Variants in TMPPE observed in about 807,000 individuals in gnomAD.
The protein encoded by TMPPE is transmembrane protein with metallophosphoesterase domain.
A neutral mutation model predicts 22.6 loss-of-function variants in TMPPE; 16 were observed. The observed-to-expected ratio is 0.71, with a 90% CI of 0.48 to 1.08. The LOEUF (loss-of-function observed/expected upper bound fraction) is 1.08. Ranked by LOEUF, TMPPE falls within the 50% of genes least tolerant of loss-of-function variation. The pLI is 0.00. For missense variants in TMPPE, 526 were observed against 584.3 expected (o/e 0.90, Z 1.03); for synonymous variants, 240 against 245.3 (o/e 0.98, Z 0.20).
Position 33,093,197 on chromosome 3 carries a change from C to T in TMPPE, c.999G>A (p.Gly333=). The T allele has an allele frequency of 6.2e-7, 1 of 1,613,978 alleles. No individual in the cohort carries two copies. The highest frequency in any genetic ancestry group is 8.5e-7 in the Non-Finnish European group (1 of 1,179,956). Residue 333 remains glycine (G), a synonymous_variant, in exon 2 of 2, where the codon GGG becomes GGA. Coordinates refer to ENST00000342462, the MANE Select transcript of TMPPE (RefSeq NM_001039770.3). The surrounding 1 kb of genome is among the most constrained non-coding windows in gnomAD (Gnocchi z 6.0). ...SEDEDWICLA[G]VDDIEADILH... ...GGATGTCTGCTTCAATATCGTCCAC[C>T]CCAGCCAAGCAGATCCAGTCCTCAT...
chr3:33,091,870 C>T lies in TMPPE; in HGVS notation c.*964G>A. ...CTTTTCTAACACGGGTGCTTATCTCCATCTCAGGATCAAAGGATCTATTGC... is the reference window on the plus strand; with the variant it reads ...CTTTTCTAACACGGGTGCTTATCTCTATCTCAGGATCAAAGGATCTATTGC... On this transcript the variant is annotated 3_prime_UTR_variant, in exon 2 of 2. Coordinates refer to ENST00000342462, the MANE Select transcript of TMPPE (RefSeq NM_001039770.3). 11 of 985,442 alleles carry T rather than the reference C, an allele frequency of 1.1e-5. No individual in the cohort carries two copies. Among genetic ancestry groups the T allele is most frequent in the Non-Finnish European group, 1.3e-5 (11 of 829,946 alleles). The allele number at this position is 985,442 out of a possible 1,614,324, so 61.0% of individuals were successfully genotyped here. A position where few individuals can be genotyped will look rare whatever the true frequency, so the allele number is the denominator to read the frequency against.
rs563544419 is a variant in TMPPE at position 33,096,172 on chromosome 3, G to C, written c.-109+547C>G. ...CCTGGAGGAACCAAAGTTGGTCCGC[G>C]GAACGTGCAGAGGAGCAGCTTGCAA... On this transcript the variant is annotated intron_variant, in intron 1 of 1. Coordinates refer to ENST00000342462, the MANE Select transcript of TMPPE (RefSeq NM_001039770.3). Among the ~76,000 whole-genome samples the C allele has an allele frequency of 3.3e-5, 5 of 152,232 alleles. No individual in the cohort carries two copies. The East Asian group carries it at 9.7e-4, about 29-fold the overall frequency.
At chr3:33,096,357 C>G (rs997629718) in intron 1 of TMPPE, 1 of 979,286 alleles carries the variant, frequency 1.0e-6, no homozygotes. Flanking sequence ...CTCGCCAGCC[C>G]TGCCCCGATC....
Position 33,092,424 on chromosome 3 carries a change from C to T in TMPPE, c.*410G>A, listed in dbSNP as rs777861521. 1.5e-4 allele frequency: 151 copies of T among 998,536 alleles called. No individual in the cohort carries two copies. Among genetic ancestry groups the T allele is most frequent in the Non-Finnish European group, 1.7e-4 (144 of 838,236 alleles). 61.9% of individuals were successfully genotyped at this position (998,536 alleles called of 1,614,324 possible). A position where few individuals can be genotyped will look rare whatever the true frequency, so the allele number is the denominator to read the frequency against. ...AATGATTCTGGAAACCACTTAAGTC[C>T]TAAAGACAATTTTAAAACACCAGGA... On this transcript the variant is annotated 3_prime_UTR_variant, in exon 2 of 2. Transcript: ENST00000342462.
chr3:33,092,679 C>A lies in TMPPE; in HGVS notation c.*155G>T. The A allele has an allele frequency of 1.1e-5, 15 of 1,415,866 alleles. No homozygotes were observed. The highest frequency in any genetic ancestry group is 1.4e-5 in the Non-Finnish European group (15 of 1,086,790). The allele number at this position is 1,415,866 out of a possible 1,614,324, so 87.7% of individuals were successfully genotyped here. A position where few individuals can be genotyped will look rare whatever the true frequency, so the allele number is the denominator to read the frequency against. ...CCAGCCTGAACATGCCAGGCAGGCC[C>A]ACCATAAGTCACTGTTTGAGTCAGG... On this transcript the variant is annotated 3_prime_UTR_variant, in exon 2 of 2. Coordinates refer to ENST00000342462, the MANE Select transcript of TMPPE (RefSeq NM_001039770.3).
At position 33,092,640 on chromosome 3, in the gene TMPPE, A is replaced by T. The variant is rs1700812986; in HGVS notation, c.*194T>A. The T allele has an allele frequency of 1.5e-6, 2 of 1,366,984 alleles. No individual in the cohort carries two copies. The highest frequency in any genetic ancestry group is 9.4e-7 in the Non-Finnish European group (1 of 1,061,250). 84.7% of individuals were successfully genotyped at this position (1,366,984 alleles called of 1,614,324 possible). On this transcript the variant is annotated 3_prime_UTR_variant, in exon 2 of 2. Coordinates refer to ENST00000342462, the MANE Select transcript of TMPPE (RefSeq NM_001039770.3). Reference sequence around the variant, plus strand: ...GTGCATCAAAAAAAGCAACTGGCCAAGGAAATAGTTAAACCAGCCTGAACA... The same window carrying T: ...GTGCATCAAAAAAAGCAACTGGCCATGGAAATAGTTAAACCAGCCTGAACA...
chr3:33,093,964 C>G lies in TMPPE; in HGVS notation c.232G>C (p.Glu78Gln), dbSNP rs758530845. ...VSNLCHSPAA[E>Q]STCFQLWKVV... Reference sequence around the variant, plus strand: ...TTCCAAAGCTGAAAACAGGTTGACTCTGCAGCTGGGGAGTGGCAGAGGTTG... The same window carrying G: ...TTCCAAAGCTGAAAACAGGTTGACTGTGCAGCTGGGGAGTGGCAGAGGTTG... The change falls in exon 2 of 2, where the codon GAG becomes CAG. Residue 78 changes from glutamate to glutamine, a missense_variant. Glu to Gln is a conservative substitution (Grantham distance 29). Transcript: ENST00000342462. This position sits in a 1 kb window ranked among gnomAD's most constrained non-coding sequence, Gnocchi z 6.0. The G allele has an allele frequency of 8.1e-6, 13 of 1,614,084 alleles. No individual in the cohort carries two copies. In the Admixed American group the frequency reaches 2.0e-4, roughly 25 times the overall value.
chr3:33,094,996 A>C (rs1700948816), intron 1 of TMPPE, among the ~76,000 whole-genome samples: 1 of 152,178 alleles, frequency 6.6e-6, no homozygotes, highest in Admixed American at 6.5e-5. Context: ...AGATTACCTG[A>C]GGTCAGGAGT....
rs1701053671 is a variant in TMPPE, at chr3:33,096,843, GA to G, written c.-234del. The G allele has an allele frequency of 3.6e-5, 49 of 1,377,164 alleles. No individual in the cohort carries two copies. Among genetic ancestry groups the G allele is most frequent in the Middle Eastern group, 2.7e-4 (1 of 3,674 alleles). The allele number at this position is 1,377,164 out of a possible 1,614,324, so 85.3% of individuals were successfully genotyped here. A position where few individuals can be genotyped will look rare whatever the true frequency, so the allele number is the denominator to read the frequency against. On this transcript the variant is annotated 5_prime_UTR_variant, in exon 1 of 2. Transcript: ENST00000342462. ...GCCCCGCCCGGCCCGCCCCCGACGG[GA>G]AGGCCGGTCCACTGCCTGCGTTCCG... is the stretch of plus-strand genomic sequence containing the variant.
At chr3:33,095,176 A>G (rs1048333563) in intron 1 of TMPPE, among the ~76,000 whole-genome samples, 9 of 132,476 alleles carry the variant, frequency 6.8e-5, no homozygotes, top group Admixed American at 6.3e-4. Flanking sequence ...GTGCCACTGC[A>G]CTCCAGCCTG....
chr3:33,097,073 G>C lies in TMPPE; in HGVS notation c.-463C>G. 1 of 1,612,586 alleles carries C rather than the reference G, an allele frequency of 6.2e-7. No homozygotes were observed. Among genetic ancestry groups the C allele is most frequent in the Non-Finnish European group, 8.5e-7 (1 of 1,179,086 alleles). ...AGCAACAGAGGGAGGATGCGAACCA[G>C]GAACCCCGGCATGACCACCAGCCTC... On this transcript the variant is annotated 5_prime_UTR_variant, in exon 1 of 2. Coordinates refer to ENST00000342462, the MANE Select transcript of TMPPE (RefSeq NM_001039770.3).
chr3:33,092,570 A>C lies in TMPPE; in HGVS notation c.*264T>G. Reference sequence around the variant, plus strand: ...AGGTCCCCATTCCACATCATCTGGAAAATAGAGGGGAGTGCTAATATATGT... The same window carrying C: ...AGGTCCCCATTCCACATCATCTGGACAATAGAGGGGAGTGCTAATATATGT... On this transcript the variant is annotated 3_prime_UTR_variant, in exon 2 of 2. Coordinates refer to ENST00000342462, the MANE Select transcript of TMPPE (RefSeq NM_001039770.3). 8.2e-7 allele frequency: 1 copy of C among 1,222,266 alleles called. No homozygotes were observed. Among genetic ancestry groups the C allele is most frequent in the South Asian group, 3.4e-5 (1 of 29,648 alleles). 75.7% of individuals were successfully genotyped at this position (1,222,266 alleles called of 1,614,324 possible).
At chr3:33,096,190 G>T in intron 1 of TMPPE, 1 of 171,170 alleles carries the variant, frequency 5.8e-6, no homozygotes, top group Non-Finnish European at 1.2e-5. Context: ...CAGAGGAGCA[G>T]CTTGCAACTA....
rs1011451925 is a variant in TMPPE, at chr3:33,091,934, G to A, written c.*900C>T. Reference sequence around the variant, plus strand: ...GCAAAAGCACCGCTTTTACTGGGAGGTACAAGACCTGGTTTCTAGCCCCAA... The same window carrying A: ...GCAAAAGCACCGCTTTTACTGGGAGATACAAGACCTGGTTTCTAGCCCCAA... On this transcript the variant is annotated 3_prime_UTR_variant, in exon 2 of 2. Transcript: ENST00000342462. 2.0e-6 allele frequency: 2 copies of A among 985,208 alleles called. No homozygotes were observed. The highest frequency in any genetic ancestry group is 1.1e-4 in the East Asian group (1 of 8,814). 61.0% of individuals were successfully genotyped at this position (985,208 alleles called of 1,614,324 possible).
rs976066325 is a variant in TMPPE at position 33,094,251 on chromosome 3, T to C, written c.-56A>G. The C allele has an allele frequency of 1.3e-6, 2 of 1,525,910 alleles. No homozygotes were observed. The highest frequency in any genetic ancestry group is 2.8e-5 in the African/African-American group (2 of 71,994). The allele number at this position is 1,525,910 out of a possible 1,614,324, so 94.5% of individuals were successfully genotyped here. A position where few individuals can be genotyped will look rare whatever the true frequency, so the allele number is the denominator to read the frequency against. Reference sequence around the variant, plus strand: ...GTTCTGTGCTGGTGGACTCTGGAAATGAGTTCCTTAGAAAGGACAGTGGCC... The same window carrying C: ...GTTCTGTGCTGGTGGACTCTGGAAACGAGTTCCTTAGAAAGGACAGTGGCC... On this transcript the variant is annotated 5_prime_UTR_variant, in exon 2 of 2. Transcript: ENST00000342462.
rs759335347 is a variant in TMPPE at position 33,090,761 on chromosome 3, T to C, written c.*2073A>G. On this transcript the variant is annotated 3_prime_UTR_variant, in exon 2 of 2. Coordinates refer to ENST00000342462, the MANE Select transcript of TMPPE (RefSeq NM_001039770.3). Reference sequence around the variant, plus strand: ...GCCGCGTCAGGGAATACAAACCACATACGAGAGGGTGTTGATGTTGTTTCT... The same window carrying C: ...GCCGCGTCAGGGAATACAAACCACACACGAGAGGGTGTTGATGTTGTTTCT... 1 of 985,358 alleles carries C rather than the reference T, an allele frequency of 1.0e-6. No individual in the cohort carries two copies. Among genetic ancestry groups the C allele is most frequent in the Non-Finnish European group, 1.2e-6 (1 of 829,926 alleles). The allele number at this position is 985,358 out of a possible 1,614,324, so 61.0% of individuals were successfully genotyped here.
At chr3:33,096,464 A>C in intron 1 of TMPPE, 1 of 984,302 alleles carries the variant, frequency 1.0e-6, no homozygotes. Context: ...AGAAAAACCC[A>C]AGCCAAAGGG....
At position 33,094,155 on chromosome 3, in the gene TMPPE, G is replaced by A. The variant is rs763373392; in HGVS notation, c.41C>T (p.Thr14Ile). Residue 14 changes from threonine to isoleucine, a missense_variant, in exon 2 of 2, where the codon ACC (threonine) becomes ATC (isoleucine). By Grantham distance (89) the Thr-to-Ile change is moderately conservative. Transcript: ENST00000342462. ...FRQLSLGAKATLAAVTVFVSM... is the reference protein window; with the variant it reads ...FRQLSLGAKAILAAVTVFVSM... ...CACGAAGACAGTGACAGCAGCCAGG[G>A]TGGCCTTCGCGCCTAGGGACAGCTG... The A allele has an allele frequency of 6.2e-7, 1 of 1,612,634 alleles. No homozygotes were observed. Among genetic ancestry groups the A allele is most frequent in the East Asian group, 2.2e-5 (1 of 44,832 alleles).
rs747330785 is a variant in TMPPE, at chr3:33,093,614, C to T, written c.582G>A (p.Glu194=). 2 of 1,614,166 alleles carry T rather than the reference C, an allele frequency of 1.2e-6. No individual in the cohort carries two copies. Among genetic ancestry groups the T allele is most frequent in the Admixed American group, 1.7e-5 (1 of 60,028 alleles). ...AGGCAGGCAGCTGATGGATGGGCAC[C>T]TCCACAGTTTTCACAGCCGGGGGCT... ...AAQPPAVKTV[E]VPIHQLPASM... is the part of the protein sequence containing the mutation. The change falls in exon 2 of 2, where the codon GAG becomes GAA. Residue 194 remains glutamate, a synonymous_variant. Transcript: ENST00000342462. The surrounding 1 kb of genome is among the most constrained non-coding windows in gnomAD (Gnocchi z 6.0).
Sources: allele counts gnomAD v4.1 joint callset (sites outside exome capture counted in the v4.1 genomes callset), GRCh38; gene constraint gnomAD v4.1.1; non-coding constraint Gnocchi (gnomAD v3.1); transcripts MANE v1.5; gene names NCBI Gene and HGNC (gene_info 2026-07-23, HGNC 2026-07-21).